Variants in CAPSL observed in about 807,000 individuals in gnomAD.
CAPSL encodes calcyphosine like, also known as calcyphosin-like protein.
CAPSL carries 17 observed loss-of-function variants against 21.3 expected under a neutral mutation model. That is an observed-to-expected ratio of 0.80 (90% CI 0.55 to 1.20). CAPSL has a LOEUF of 1.20. Among genes scored for constraint, CAPSL ranks in the 50% most tolerant of loss-of-function variants. The probability of loss-of-function intolerance (pLI) is 0.00; values close to 1 mark genes in which losing one functional copy is unlikely to be tolerated. For missense variants in CAPSL, 289 were observed against 259.3 expected, an observed-to-expected ratio of 1.11 and a Z score of -0.79; for synonymous variants, 102 against 89.3, an observed-to-expected ratio of 1.14 and a Z score of -0.80.
chr5:35,927,251 A>G (rs1362046307), intron 1 of CAPSL, among the ~76,000 whole-genome samples: 3 of 152,028 alleles, frequency 2.0e-5, no homozygotes, highest in Admixed American at 6.6e-5. Flanking sequence ...CTGCAGTCCA[A>G]TTGTTCCGAG....
intron 3 of CAPSL, 48 bp from the exon 4 acceptor site, chr5:35,910,123 CT>C: frequency 2.0e-6 from 3 of 1,469,208 alleles, no homozygotes; most frequent in Admixed American, 2.2e-5. Flanking sequence ...AGCAAATGAG[CT>C]TTTTTGGTAT....
intron 2 of CAPSL, among the ~76,000 whole-genome samples, chr5:35,913,032 AACCATG>A (rs1378266174): frequency 1.3e-5 from 2 of 152,240 alleles, no homozygotes; most frequent in Non-Finnish European, 2.9e-5. Context: ...CGGAGCTGAA[AACCATG>A]ACAAGAGAAC....
At chr5:35,920,680 C>T (rs1443359444) in intron 2 of CAPSL, among the ~76,000 whole-genome samples, 1 of 152,140 alleles carries the variant, frequency 6.6e-6, no homozygotes, top group Non-Finnish European at 1.5e-5. Context: ...CAGAGAGAGT[C>T]CCTCTCATTG....
intron 1 of CAPSL, among the ~76,000 whole-genome samples, chr5:35,923,219 CAGTA>C (rs1011090009): frequency 2.7e-5 from 4 of 150,564 alleles, no homozygotes; most frequent in African/African-American, 9.7e-5. Context: ...CCATCCATGA[CAGTA>C]AGTGAGAATG....
intron 1 of CAPSL, among the ~76,000 whole-genome samples, chr5:35,938,054 G>C (rs114031742): frequency 6.6e-6 from 1 of 152,290 alleles, no homozygotes; most frequent in Non-Finnish European, 1.5e-5. Flanking sequence ...TTTTTATTCT[G>C]ATTCTCAGTT....
At chr5:35,934,812 G>A (rs1288398240) in intron 1 of CAPSL, among the ~76,000 whole-genome samples, 1 of 152,094 alleles carries the variant, frequency 6.6e-6, no homozygotes, top group Non-Finnish European at 1.5e-5. Context: ...ACACTTCTGT[G>A]AATTGTCCTT....
At chr5:35,925,547 A>G (rs1738649059) in intron 1 of CAPSL, among the ~76,000 whole-genome samples, 1 of 151,914 alleles carries the variant, frequency 6.6e-6, no homozygotes, top group East Asian at 1.9e-4. Context: ...GGGAAAGGGG[A>G]ATTGTGGGTA....
chr5:35,933,677 G>A lies in CAPSL; in HGVS notation c.-1+4864C>T, dbSNP rs78708756. 8.1e-4 allele frequency among the ~76,000 whole-genome samples: 124 copies of A among 152,292 alleles called. 1 individual carries two copies. In the East Asian group the frequency reaches 0.021, roughly 25 times the overall value. ...CTCGGTGTGAAGAACTCCTGTCCAA[G>A]CTAGAGGGGTAACTGCAGAGGGGAC... On this transcript the variant is annotated intron_variant, in intron 1 of 4. Transcript: ENST00000651391.
rs1394036133 is a variant in CAPSL, at chr5:35,938,546, A to G, written c.-6T>C. The stretch of plus-strand genomic sequence containing the variant: ...AGATAAAAACATTGATTTACCTTAA[A>G]TGCTAACCTTTTGCCACCAGTTGCT... On this transcript the variant is annotated 5_prime_UTR_variant, in exon 1 of 5. Transcript: ENST00000651391. The G allele has an allele frequency of 3.3e-5, 5 of 153,086 alleles. No homozygotes were observed. Among genetic ancestry groups the G allele is most frequent in the Non-Finnish European group, 5.9e-5 (4 of 68,030 alleles). The allele number at this position is 153,086 out of a possible 1,614,324, so 9.5% of individuals were successfully genotyped here.
chr5:35,912,470 A>T (rs1015191364), intron 2 of CAPSL, among the ~76,000 whole-genome samples: 7 of 152,190 alleles, frequency 4.6e-5, no homozygotes, highest in Non-Finnish European at 1.0e-4. Flanking sequence ...CAGTAGGGGC[A>T]GACTGACACC....
intron 1 of CAPSL, among the ~76,000 whole-genome samples, chr5:35,933,794 A>C (rs1339146070): frequency 6.6e-6 from 1 of 152,184 alleles, no homozygotes; most frequent in Admixed American, 6.5e-5. Context: ...TACACTTTTT[A>C]GTTTGGGAAA....
At chr5:35,912,868 T>C (rs114915832) in intron 2 of CAPSL, among the ~76,000 whole-genome samples, 1,741 of 152,290 alleles carry the variant, frequency 0.011, 34 homozygotes, top group African/African-American at 0.04. Context: ...GAGATGACTT[T>C]AACAAGTTGA....
At position 35,909,959 on chromosome 5, in the gene CAPSL, G is replaced by T; in HGVS notation, c.432C>A (p.His144Gln). ...ATTCCCCATTCTGGTACTTTGGGTG[G>T]TGTTTTGCATTATATACTTCACGAA... ...EDLREVYNAK[H>Q]HPKYQNGEWS... Residue 144 changes from histidine (H) to glutamine (Q), a missense_variant, in exon 4 of 5, where the codon CAC becomes CAA. His to Gln is a conservative substitution (Grantham distance 24). Transcript: ENST00000651391. The T allele has an allele frequency of 6.2e-7, 1 of 1,613,726 alleles. No homozygotes were observed. The highest frequency in any genetic ancestry group is 8.5e-7 in the Non-Finnish European group (1 of 1,179,858).
At position 35,904,679 on chromosome 5, in the gene CAPSL, C is replaced by T. The variant is rs371593416; in HGVS notation, c.526-33G>A. ...GGAAAAGTTAGAAACAAAAACGAAA[C>T]TTTGCTTCTCACTCTGTCAATGGGC... On this transcript the variant is annotated intron_variant, in intron 4 of 4. Transcript: ENST00000651391. The T allele has an allele frequency of 2.6e-5, 42 of 1,609,716 alleles. No homozygotes were observed. The African/African-American group carries it at 5.1e-4, about 19-fold the overall frequency.
At chr5:35,915,681 C>A (rs1380813429) in intron 2 of CAPSL, among the ~76,000 whole-genome samples, 2 of 152,176 alleles carry the variant, frequency 1.3e-5, no homozygotes, top group Non-Finnish European at 2.9e-5. Context: ...TAAAAACTCT[C>A]AACAAATTAG....
At chr5:35,930,512 T>A (rs1312510248) in intron 1 of CAPSL, among the ~76,000 whole-genome samples, 5 of 152,184 alleles carry the variant, frequency 3.3e-5, no homozygotes, top group Admixed American at 6.5e-5. Context: ...AGGCACACAG[T>A]CTCAGAATCG....
intron 4 of CAPSL, among the ~76,000 whole-genome samples, chr5:35,908,965 G>A (rs1738119262): frequency 6.6e-6 from 1 of 152,108 alleles, no homozygotes; most frequent in Non-Finnish European, 1.5e-5. Flanking sequence ...TTCCTGTGCT[G>A]TAAAGGGCTT....
intron 1 of CAPSL, among the ~76,000 whole-genome samples, chr5:35,936,246 A>G (rs1281286148): frequency 6.6e-6 from 1 of 151,844 alleles, no homozygotes; most frequent in Non-Finnish European, 1.5e-5. Flanking sequence ...GAGATTGCTG[A>G]ACTTCCTCCC....
chr5:35,905,518 A>G (rs1580876446), intron 4 of CAPSL, among the ~76,000 whole-genome samples: 1 of 152,202 alleles, frequency 6.6e-6, no homozygotes, highest in African/African-American at 2.4e-5. Context: ...CCTTCCCACT[A>G]AAAACATAAG....
Sources: gnomAD v4.1 joint callset for allele counts (sites outside exome capture counted in the v4.1 genomes callset) on GRCh38, gnomAD v4.1.1 for gene constraint, MANE v1.5 for transcripts, NCBI Gene and HGNC (gene_info 2026-07-23, HGNC 2026-07-21) for gene names.